Variants in DNAJC25 observed in about 807,000 individuals in gnomAD.
DNAJC25 encodes the protein DnaJ heat shock protein family (Hsp40) member C25, also known as dnaJ homolog subfamily C member 25.
DNAJC25 carries 26 observed loss-of-function variants against 42.1 expected under a neutral mutation model. That is an observed-to-expected ratio of 0.62 (90% confidence interval 0.45 to 0.86). DNAJC25 has a LOEUF of 0.86. Among genes scored for constraint, DNAJC25 ranks in the 40% least tolerant of loss-of-function variants. The pLI, the probability that DNAJC25 is intolerant of heterozygous loss-of-function variation, is 0.00. For missense variants in DNAJC25, 404 were observed against 459.4 expected (o/e 0.88, Z 1.10); for synonymous variants, 189 against 179.9 (o/e 1.05, Z -0.40).
At position 111,654,087 on chromosome 9, in the gene DNAJC25, T is replaced by C. The variant is rs2131273003; in HGVS notation, c.*865T>C. 1 of 152,294 alleles carries C rather than the reference T, an allele frequency of 6.6e-6. No homozygotes were observed. Among genetic ancestry groups the C allele is most frequent in the African/African-American group, 2.4e-5 (1 of 41,562 alleles). The allele number at this position is 152,294 out of a possible 1,614,324, so 9.4% of individuals were successfully genotyped here. ...AAGTTGTTCATCTATTATGAAGTCC[T>C]TGAGTGGTGAAAAATCCGTTGTACA... is the stretch of plus-strand genomic sequence containing the variant. On this transcript the variant is annotated 3_prime_UTR_variant, in exon 4 of 4. Coordinates refer to ENST00000313525, the MANE Select transcript of DNAJC25 (RefSeq NM_001015882.3).
chr9:111,646,971 TGA>T, intron 1 of DNAJC25, 134 bp from the exon 2 acceptor site: 1 of 1,041,274 alleles, frequency 9.6e-7, no homozygotes, highest in Admixed American at 3.8e-5. Flanking sequence ...GGAAATTTTT[TGA>T]TTTTGACAAT....
At chr9:111,641,216 G>C (rs1830455602) in intron 1 of DNAJC25, among the ~76,000 whole-genome samples, 1 of 143,846 alleles carries the variant, frequency 7.0e-6, no homozygotes, top group Admixed American at 6.9e-5. Context: ...GCCCCGTCCG[G>C]GAGGGAGGTG....
At chr9:111,639,946 G>A (rs144681931) in intron 1 of DNAJC25, among the ~76,000 whole-genome samples, 2 of 126,340 alleles carry the variant, frequency 1.6e-5, no homozygotes, top group East Asian at 4.5e-4. Context: ...CTCCGTCTCC[G>A]TCTCCGTCTC....
intron 1 of DNAJC25, among the ~76,000 whole-genome samples, chr9:111,641,316 C>T (rs1345737108): frequency 3.4e-5 from 5 of 145,658 alleles, no homozygotes; most frequent in African/African-American, 1.3e-4. Context: ...GTGAGGAGCC[C>T]CTCTGCCCGG....
intron 1 of DNAJC25, chr9:111,642,946 C>A: frequency 2.1e-6 from 1 of 470,900 alleles, no homozygotes; most frequent in South Asian, 1.5e-5. Flanking sequence ...AAACAAGGAG[C>A]TTATTGCCCT....
chr9:111,635,983 T>C (rs1342790999), intron 1 of DNAJC25, among the ~76,000 whole-genome samples: 2 of 152,240 alleles, frequency 1.3e-5, no homozygotes, highest in Non-Finnish European at 2.9e-5. Context: ...GGGACTGACA[T>C]AGGGGCTTGG....
intron 2 of DNAJC25, 98 bp downstream of exon 2, chr9:111,647,357 A>C: frequency 1.4e-6 from 2 of 1,439,302 alleles, no homozygotes; most frequent in Non-Finnish European, 1.9e-6. Flanking sequence ...TCTTCTTGTA[A>C]AATTTTACTT....
intron 1 of DNAJC25, among the ~76,000 whole-genome samples, chr9:111,633,215 G>A (rs896293334): frequency 1.3e-5 from 2 of 152,190 alleles, no homozygotes; most frequent in African/African-American, 2.4e-5. Context: ...ACCAGTGTGT[G>A]AAATCATAAT....
At chr9:111,639,950 C>CCGTCTCCGTCTG (rs1554702298) in intron 1 of DNAJC25, among the ~76,000 whole-genome samples, 73 of 150,752 alleles carry the variant, frequency 4.8e-4, no homozygotes, top group African/African-American at 1.7e-3. Flanking sequence ...GTCTCCGTCT[C>CCGTCTCCGTCTG]CGTCTCCGTC....
At chr9:111,647,033 G>T in intron 1 of DNAJC25, 74 bp from the exon 2 acceptor site, 4 of 1,410,268 alleles carry the variant, frequency 2.8e-6, no homozygotes, top group Non-Finnish European at 3.8e-6. Flanking sequence ...AATTCTATAT[G>T]TGATTTAACA....
At position 111,647,157 on chromosome 9, in the gene DNAJC25, G is replaced by A; in HGVS notation, c.387G>A (p.Glu129=). The A allele has an allele frequency of 6.2e-7, 1 of 1,614,168 alleles. No individual in the cohort carries two copies. The part of the protein sequence containing the change: ...DYDYMLDHPE[E]YYSHYYHYYS... ...ATTACATGCTGGATCATCCAGAAGA[G>A]TACTACAGCCATTACTACCACTACT... Residue 129 remains glutamate (E), a synonymous_variant, in exon 2 of 4, where the codon GAG becomes GAA. Coordinates refer to ENST00000313525, the MANE Select transcript of DNAJC25 (RefSeq NM_001015882.3).
At chr9:111,641,913 C>T (rs1830478120) in intron 1 of DNAJC25, among the ~76,000 whole-genome samples, 2 of 143,634 alleles carry the variant, frequency 1.4e-5, no homozygotes, top group African/African-American at 5.1e-5. Context: ...GCCCAGCCAG[C>T]CGCCCCGTCC....
At chr9:111,632,678 T>G (rs1369482413) in intron 1 of DNAJC25, among the ~76,000 whole-genome samples, 1 of 132,160 alleles carries the variant, frequency 7.6e-6, no homozygotes, top group Non-Finnish European at 1.5e-5. Context: ...GTAAAGTATT[T>G]CTTTTCTAGC....
intron 1 of DNAJC25, among the ~76,000 whole-genome samples, chr9:111,636,043 A>G (rs1376365895): frequency 6.6e-6 from 1 of 152,250 alleles, no homozygotes; most frequent in Non-Finnish European, 1.5e-5. Context: ...AAAGTTTTTA[A>G]TAACAAGGGA....
chr9:111,635,236 C>T lies in DNAJC25; in HGVS notation c.336+3493C>T, dbSNP rs12380862. ...AGTAGGTCTCTCTTTCCTACTAAAC[C>T]ATGCTCCTCATTTTTTGTGCGTATA... On this transcript the variant is annotated intron_variant, in intron 1 of 3. Coordinates refer to ENST00000313525, the MANE Select transcript of DNAJC25 (RefSeq NM_001015882.3). Among the ~76,000 whole-genome samples, 1,232 of 152,248 alleles carry T rather than the reference C, an allele frequency of 8.1e-3. 19 individuals are homozygous for T. Among genetic ancestry groups the T allele is most frequent in the African/African-American group, 0.028 (1,160 of 41,536 alleles).
At chr9:111,632,343 T>TA (rs1830296563) in intron 1 of DNAJC25, among the ~76,000 whole-genome samples, 3 of 152,228 alleles carry the variant, frequency 2.0e-5, no homozygotes, top group Admixed American at 2.0e-4. Context: ...AAGGCCATGA[T>TA]ACCTCCTCTC....
intron 1 of DNAJC25, among the ~76,000 whole-genome samples, chr9:111,646,642 G>C (rs974930411): frequency 5.3e-5 from 8 of 152,174 alleles, no homozygotes; most frequent in African/African-American, 1.9e-4. Flanking sequence ...GTTTCTTTGG[G>C]ATGGGCATAA....
Position 111,653,101 on chromosome 9 carries a change from T to TCTA in DNAJC25, c.964_966dup (p.Tyr322dup). The TCTA allele has an allele frequency of 6.3e-7, 1 of 1,599,388 alleles. No homozygotes were observed. Among genetic ancestry groups the TCTA allele is most frequent in the Middle Eastern group, 1.7e-4 (1 of 6,016 alleles). On this transcript the variant is annotated inframe_insertion and splice_region_variant, in exon 4 of 4. Coordinates refer to ENST00000313525, the MANE Select transcript of DNAJC25 (RefSeq NM_001015882.3). ...TCATCTAGTTATTTATACTTACAGG[T>TCTA]CTACAAGCAAGAACAAGAGGAAGAA...
At chr9:111,639,536 T>C (rs772032222) in intron 1 of DNAJC25, among the ~76,000 whole-genome samples, 1 of 151,918 alleles carries the variant, frequency 6.6e-6, no homozygotes, top group African/African-American at 2.4e-5. Flanking sequence ...GAGAAGAAGA[T>C]AAGTTGCACT....
Sources: gnomAD v4.1 joint callset for allele counts (sites outside exome capture counted in the v4.1 genomes callset) on GRCh38, gnomAD v4.1.1 for gene constraint, MANE v1.5 for transcripts, NCBI Gene and HGNC (gene_info 2026-07-23, HGNC 2026-07-21) for gene names.